The following TRARG1 variants were observed in gnomAD, a reference collection of about 807,000 sequenced individuals.
TRARG1 encodes the protein trafficking regulator of GLUT4 1.
Under a neutral mutation model 13.3 loss-of-function variants are expected in TRARG1, and 16 were observed. The ratio of observed to expected loss-of-function variants is 1.20; its 90% CI spans 0.81 to 1.83. The LOEUF is 1.83. Among genes scored for constraint, TRARG1 ranks in the 40% most tolerant of loss-of-function variants. TRARG1 has a pLI of 0.00. For missense variants in TRARG1, 250 were observed against 237.4 expected (o/e 1.05, Z -0.35); for synonymous variants, 113 against 106.2 (o/e 1.06, Z -0.39).
rs10625360 is a variant in TRARG1, at chr17:1,300,449, T to TACACACACACACAC, written c.*2196_*2209dup. The TACACACACACACAC allele has an allele frequency of 2.0e-5, 3 of 149,576 alleles. No individual in the cohort carries two copies. Among genetic ancestry groups the TACACACACACACAC allele is most frequent in the African/African-American group, 7.3e-5 (3 of 40,856 alleles). 9.3% of individuals were successfully genotyped at this position (149,576 alleles called of 1,614,324 possible). ...ACAAATAGGCTCTGCCGTGCACTCC[T>TACACACACACACAC]ACACACACACACACACACACACACG... On this transcript the variant is annotated 3_prime_UTR_variant, in exon 3 of 3. Coordinates refer to ENST00000333813, the MANE Select transcript of TRARG1 (RefSeq NM_172367.3).
At chr17:1,285,900 C>T (rs1207819177) in intron 1 of TRARG1, among the ~76,000 whole-genome samples, 1 of 152,086 alleles carries the variant, frequency 6.6e-6, no homozygotes, top group African/African-American at 2.4e-5. Flanking sequence ...GGCAGAGACA[C>T]CCAGGGAGGA....
chr17:1,281,584 C>T (rs573870495), intron 1 of TRARG1, among the ~76,000 whole-genome samples: 3 of 152,264 alleles, frequency 2.0e-5, no homozygotes, highest in Admixed American at 2.0e-4. Context: ...GTCTGAGGGA[C>T]TTGGCATGGG....
chr17:1,281,044 G>A lies in TRARG1; in HGVS notation c.387+656G>A, dbSNP rs577701082. 2.2e-4 allele frequency among the ~76,000 whole-genome samples: 33 copies of A among 152,320 alleles called. 1 individual carries two copies. In the South Asian group the frequency reaches 6.0e-3, roughly 28 times the overall value. On this transcript the variant is annotated intron_variant, in intron 1 of 2. Transcript: ENST00000333813. ...CGTCTTCAGGGCAGGGGAGGTCTGG[G>A]TCACAAGTGAAAAATGTGAGAGTCA...
At chr17:1,286,832 T>C (rs2072029013) in intron 1 of TRARG1, among the ~76,000 whole-genome samples, 1 of 150,732 alleles carries the variant, frequency 6.6e-6, no homozygotes, top group Non-Finnish European at 1.5e-5. Flanking sequence ...GGGGTGTTGT[T>C]GTCGGCCTGT....
chr17:1,283,074 C>T (rs2071995742), intron 1 of TRARG1, among the ~76,000 whole-genome samples: 1 of 152,116 alleles, frequency 6.6e-6, no homozygotes, highest in South Asian at 2.1e-4. Context: ...TTGCCAATTC[C>T]CCAGAACCTC....
At chr17:1,283,942 C>T (rs929249782) in intron 1 of TRARG1, among the ~76,000 whole-genome samples, 4 of 151,886 alleles carry the variant, frequency 2.6e-5, no homozygotes, top group Non-Finnish European at 5.9e-5. Context: ...GAATCCCCAT[C>T]TCTACTAAAA....
Position 1,295,601 on chromosome 17 carries a change from G to A in TRARG1, c.498G>A (p.Val166=), listed in dbSNP as rs377335314. 7 of 1,612,392 alleles carry A rather than the reference G, an allele frequency of 4.3e-6. No individual in the cohort carries two copies. The African/African-American group carries it at 5.3e-5, about 12-fold the overall frequency. Residue 166 remains valine, a synonymous_variant, in exon 2 of 3, where the codon GTG becomes GTA. Coordinates refer to ENST00000333813, the MANE Select transcript of TRARG1 (RefSeq NM_172367.3). ...LIIMGIVIIM[V]AVTVNFTVQK... is the part of the protein sequence containing the mutation. The stretch of plus-strand genomic sequence containing the variant: ...TCATGGGCATCGTCATTATCATGGT[G>A]GCCGTGACCGTCAACTTCACAGGTG...
At chr17:1,289,937 C>T (rs1402760941) in intron 1 of TRARG1, among the ~76,000 whole-genome samples, 2 of 151,878 alleles carry the variant, frequency 1.3e-5, no homozygotes, top group African/African-American at 4.9e-5. Flanking sequence ...ATTCGAGTCA[C>T]GTTCCTCCCA....
At chr17:1,288,471 C>T (rs1434846244) in intron 1 of TRARG1, among the ~76,000 whole-genome samples, 5 of 99,170 alleles carry the variant, frequency 5.0e-5, no homozygotes, top group East Asian at 3.5e-4. Flanking sequence ...TCATCCCCCA[C>T]GGGTTCCCCA....
rs73285356 is a variant in TRARG1, at chr17:1,292,399, G to A, written c.388-3092G>A. On this transcript the variant is annotated intron_variant, in intron 1 of 2. Coordinates refer to ENST00000333813, the MANE Select transcript of TRARG1 (RefSeq NM_172367.3). ...AAATCCGTATCCAGTCCTATCATTC[G>A]GGACTCACGTCCTACACTGGGCCCC... Among the ~76,000 whole-genome samples the A allele has an allele frequency of 2.6e-5, 4 of 152,016 alleles. No individual in the cohort carries two copies. The East Asian group carries it at 5.8e-4, about 22-fold the overall frequency.
intron 1 of TRARG1, among the ~76,000 whole-genome samples, chr17:1,291,581 C>T (rs1189939745): frequency 1.3e-5 from 2 of 152,154 alleles, no homozygotes; most frequent in African/African-American, 4.8e-5. Context: ...TATGAATTAC[C>T]GAGTCTAGGG....
chr17:1,280,968 G>C (rs956964450), intron 1 of TRARG1, among the ~76,000 whole-genome samples: 3 of 152,226 alleles, frequency 2.0e-5, no homozygotes, highest in Non-Finnish European at 4.4e-5. Context: ...CCGAGGCGTG[G>C]AGTTCCCTCC....
Sources: gnomAD v4.1 joint callset for allele counts (sites outside exome capture counted in the v4.1 genomes callset) on GRCh38, gnomAD v4.1.1 for gene constraint, MANE v1.5 for transcripts, NCBI Gene and HGNC (gene_info 2026-07-23, HGNC 2026-07-21) for gene names.